The following AOPEP variants were observed in gnomAD, a reference collection of about 807,000 sequenced individuals.
AOPEP encodes the protein aminopeptidase O (putative).
A neutral mutation model predicts 98.1 loss-of-function variants in AOPEP; 77 were observed. That is an observed-to-expected ratio of 0.78 (90% confidence interval 0.65 to 0.95). The LOEUF (loss-of-function observed/expected upper bound fraction) is 0.95, where lower values mean the gene tolerates loss of function less well. Ranked by LOEUF, AOPEP falls within the 40% of genes least tolerant of loss-of-function variation. The pLI is 0.00. For missense variants in AOPEP, 1,024 were observed against 1,024.7 expected (o/e 1.00, Z 0.01); for synonymous variants, 346 against 365.3 (o/e 0.95, Z 0.60).
At chr9:95,082,384 A>G (rs942387662) in intron 15 of AOPEP, among the ~76,000 whole-genome samples, 191 bp from the exon 16 acceptor site, 4 of 152,190 alleles carry the variant, frequency 2.6e-5, no homozygotes, top group Admixed American at 1.3e-4. Context: ...TTTTGAGTAC[A>G]AGGAGGAGAC....
intron 2 of AOPEP, among the ~76,000 whole-genome samples, chr9:94,764,686 T>C (rs2132588808): frequency 6.6e-6 from 1 of 151,940 alleles, no homozygotes; most frequent in East Asian, 1.9e-4. Context: ...AGTAATGTAG[T>C]ATCCTGAAAC....
At chr9:94,873,733 A>T (rs992385307) in intron 5 of AOPEP, among the ~76,000 whole-genome samples, 9 of 152,218 alleles carry the variant, frequency 5.9e-5, no homozygotes, top group Non-Finnish European at 1.0e-4. Flanking sequence ...TTGAACAAAG[A>T]GTGACCGAAT....
chr9:94,931,945 A>G (rs1588953400), intron 7 of AOPEP: 1 of 1,142,090 alleles, frequency 8.8e-7, no homozygotes, highest in Non-Finnish European at 1.2e-6. Context: ...AGGCTCAGAA[A>G]GACTGAGTAA....
chr9:94,985,469 T>C (rs1488932777), intron 11 of AOPEP, among the ~76,000 whole-genome samples: 1 of 152,212 alleles, frequency 6.6e-6, no homozygotes, highest in Non-Finnish European at 1.5e-5. Flanking sequence ...CAGCTGGTTT[T>C]ATAGGGGAAT....
In AOPEP at chr9:94,941,005, G is replaced by A. The variant is rs72750322; in HGVS notation, c.1661+12474G>A. 5.3e-3 allele frequency among the ~76,000 whole-genome samples: 811 copies of A among 152,274 alleles called. 14 individuals are homozygous for A. The highest frequency in any genetic ancestry group is 0.044 in the East Asian group (226 of 5,184). On this transcript the variant is annotated intron_variant, in intron 7 of 16. Coordinates refer to ENST00000375315, the MANE Select transcript of AOPEP (RefSeq NM_001193329.3). ...TTAAGAGAATGTTAAAAAAAAAAGT[G>A]CAAGAATGCCTGGTTACAAATGTAG...
At chr9:94,751,686 A>G (rs1320000619) in intron 1 of AOPEP, among the ~76,000 whole-genome samples, 1 of 151,564 alleles carries the variant, frequency 6.6e-6, no homozygotes, top group African/African-American at 2.4e-5. Context: ...ATAAAAGGTA[A>G]TCTATAGCTC....
At chr9:95,145,189 C>T in the AOPEP span, 1 of 152,112 alleles carries the variant, frequency 6.6e-6, no homozygotes, top group Non-Finnish European at 1.5e-5. Flanking sequence ...GTAAGAACAA[C>T]GGTGGTTTTG....
chr9:94,964,728 CTCCCAGGT>C (rs2059082398), intron 9 of AOPEP, among the ~76,000 whole-genome samples: 1 of 151,336 alleles, frequency 6.6e-6, no homozygotes, highest in East Asian at 1.9e-4. Context: ...CAACCTCCGC[CTCCCAGGT>C]TCATGCAATT....
intron 1 of AOPEP, among the ~76,000 whole-genome samples, chr9:94,738,520 T>C (rs1832285463): frequency 6.6e-6 from 1 of 152,150 alleles, no homozygotes; most frequent in Admixed American, 6.5e-5. Flanking sequence ...TGTGAACAGT[T>C]TTGTACCACC....
the AOPEP span, among the ~76,000 whole-genome samples, chr9:95,138,051 G>A: frequency 6.6e-6 from 1 of 152,256 alleles, no homozygotes. Flanking sequence ...GAGTGGGAAA[G>A]GCTGAAAAGC....
chr9:95,081,327 G>A (rs1217438439), intron 15 of AOPEP, among the ~76,000 whole-genome samples: 2 of 152,214 alleles, frequency 1.3e-5, no homozygotes, highest in African/African-American at 4.8e-5. Context: ...GGCCGCCTCT[G>A]ATGTCCGCAG....
At chr9:94,843,493 T>C (rs2042514771) in intron 5 of AOPEP, among the ~76,000 whole-genome samples, 1 of 152,212 alleles carries the variant, frequency 6.6e-6, no homozygotes, top group South Asian at 2.1e-4. Context: ...TACTGTGTCT[T>C]ATTATGTCCT....
chr9:95,105,605 G>A, the AOPEP span, among the ~76,000 whole-genome samples: 1 of 152,130 alleles, frequency 6.6e-6, no homozygotes, highest in Non-Finnish European at 1.5e-5. Context: ...ACAGCCATCA[G>A]CACTGGCCGT....
intron 9 of AOPEP, among the ~76,000 whole-genome samples, chr9:94,958,438 CTA>C (rs977229932): frequency 6.6e-6 from 1 of 152,120 alleles, no homozygotes; most frequent in African/African-American, 2.4e-5. Flanking sequence ...TACAATAATT[CTA>C]TGTTTAGCTT....
intron 5 of AOPEP, among the ~76,000 whole-genome samples, chr9:94,887,014 T>C (rs978989955): frequency 6.6e-6 from 1 of 152,164 alleles, no homozygotes; most frequent in African/African-American, 2.4e-5. Context: ...TATTAGTCTC[T>C]GTTTCATTAT....
chr9:94,983,472 A>G (rs2060320961), intron 11 of AOPEP, among the ~76,000 whole-genome samples: 1 of 152,084 alleles, frequency 6.6e-6, no homozygotes, highest in Non-Finnish European at 1.5e-5. Context: ...GCAATAGCAA[A>G]CTGGTCTTTT....
At chr9:95,025,993 C>T (rs2133271427) in intron 13 of AOPEP, among the ~76,000 whole-genome samples, 1 of 152,284 alleles carries the variant, frequency 6.6e-6, no homozygotes, top group Admixed American at 6.5e-5. Context: ...GATTTATTTG[C>T]TCCCCTGCAT....
chr9:95,144,129 T>TG, the AOPEP span, among the ~76,000 whole-genome samples: 1 of 134,696 alleles, frequency 7.4e-6, no homozygotes, highest in Non-Finnish European at 1.6e-5. Context: ...GCAGCACATC[T>TG]GGGGAGGGGG....
intron 5 of AOPEP, among the ~76,000 whole-genome samples, chr9:94,826,788 G>A (rs143826851): frequency 1.3e-3 from 192 of 152,230 alleles, no homozygotes; most frequent in Non-Finnish European, 1.7e-3. Flanking sequence ...AGTGGAGGTG[G>A]TGATGGCCAC....
Sources: allele counts gnomAD v4.1 joint callset (sites outside exome capture counted in the v4.1 genomes callset), GRCh38; gene constraint gnomAD v4.1.1; transcripts MANE v1.5; gene names NCBI Gene and HGNC (gene_info 2026-07-23, HGNC 2026-07-21).